The following RNF6 variants were observed in gnomAD, a reference collection of about 807,000 sequenced individuals.
RNF6 encodes ring finger protein 6.
In RNF6, 21 loss-of-function variants were observed where a neutral mutation model predicts 50.1. The observed-to-expected ratio is 0.42, with a 90% confidence interval of 0.30 to 0.60. The LOEUF (loss-of-function observed/expected upper bound fraction) is 0.60. Ranked by LOEUF, RNF6 falls within the 20% of genes least tolerant of loss-of-function variation. The pLI is 0.20. For synonymous variants in RNF6, 255 were observed against 291.8 expected, an observed-to-expected ratio of 0.87 and a Z score of 1.29; for missense variants, 698 against 838.2, an observed-to-expected ratio of 0.83 and a Z score of 2.07.
chr13:26,191,762 T>C (rs1409474495), intron 5 of RNF6, among the ~76,000 whole-genome samples: 1 of 152,204 alleles, frequency 6.6e-6, no homozygotes, highest in Admixed American at 6.5e-5. Flanking sequence ...CAGGTAGTTA[T>C]TTATAGAAGT....
chr13:26,175,084 C>T lies in RNF6; in HGVS notation n.768+40390G>A, dbSNP rs1436707478. Among the ~76,000 whole-genome samples the T allele has an allele frequency of 2.0e-5, 3 of 152,072 alleles. No homozygotes were observed. The South Asian group carries it at 6.2e-4, about 32-fold the overall frequency. On this transcript the variant is annotated intron_variant and non_coding_transcript_variant, in intron 5 of 5. Transcript: ENST00000468480. ...AGATGCTCCCCATTGGCGTCCGGTG[C>T]CTTTTTATTTTCTTGAGACAGAGTC...
chr13:26,211,600 T>C (rs562577890), downstream of RNF6, among the ~76,000 whole-genome samples: 1 of 152,098 alleles, frequency 6.6e-6, no homozygotes, highest in South Asian at 2.1e-4. Flanking sequence ...CTACTAAAAA[T>C]ACAGAAAATT....
At chr13:26,150,581 T>C (rs954475748) in intron 5 of RNF6, among the ~76,000 whole-genome samples, 1 of 152,178 alleles carries the variant, frequency 6.6e-6, no homozygotes, top group Non-Finnish European at 1.5e-5. Flanking sequence ...GATACTATCA[T>C]AGTTCTTATG....
intron 5 of RNF6, among the ~76,000 whole-genome samples, chr13:26,134,480 G>GT (rs148329187): frequency 0.04 from 6,070 of 150,502 alleles, 133 homozygotes; most frequent in Non-Finnish European, 0.052. Context: ...TTTGTTTTTT[G>GT]TTTTTTTTTG....
Position 26,213,840 on chromosome 13 carries a change from A to C in RNF6, c.2042T>G (p.Ile681Arg). Residue 681 changes from isoleucine to arginine, a missense_variant, in exon 5 of 5, where the codon ATA becomes AGA. Transcript: ENST00000381588. ...ICRQPVLGSN[I>R]ANNG ...CCCATCACCTTACCCATTGTTTGCT[A>C]TGTTAGACCCTAAAACAGGCTGCCG... 6.2e-7 allele frequency: 1 copy of C among 1,610,444 alleles called. No individual in the cohort carries two copies.
chr13:26,185,738 C>A (rs1220937688), intron 5 of RNF6, among the ~76,000 whole-genome samples: 3 of 152,132 alleles, frequency 2.0e-5, no homozygotes, highest in Non-Finnish European at 4.4e-5. Flanking sequence ...ACGAGCGAAA[C>A]CCTGTCTCAA....
chr13:26,220,631 TAG>T (rs1450739985), intron 2 of RNF6, among the ~76,000 whole-genome samples: 10 of 152,208 alleles, frequency 6.6e-5, no homozygotes, highest in Admixed American at 1.3e-4. Context: ...AATCCTTGAT[TAG>T]AGTTTTCCAG....
chr13:26,165,939 G>A (rs1217398497), intron 5 of RNF6, among the ~76,000 whole-genome samples: 2 of 152,174 alleles, frequency 1.3e-5, no homozygotes, highest in Non-Finnish European at 2.9e-5. Flanking sequence ...CTGTTGGGAA[G>A]GCATGATTGG....
intron 5 of RNF6, among the ~76,000 whole-genome samples, chr13:26,187,790 C>T (rs1337750077): frequency 6.6e-6 from 1 of 152,176 alleles, no homozygotes; most frequent in Non-Finnish European, 1.5e-5. Flanking sequence ...GTGGTGCAAT[C>T]TTAGCTCACT....
intron 5 of RNF6, among the ~76,000 whole-genome samples, chr13:26,181,079 A>T (rs893174218): frequency 1.3e-5 from 2 of 152,088 alleles, no homozygotes; most frequent in African/African-American, 2.4e-5. Flanking sequence ...ACCTTCCTCC[A>T]TCAGCCTTCC....
intron 5 of RNF6, among the ~76,000 whole-genome samples, chr13:26,156,709 C>G (rs1871941968): frequency 4.6e-5 from 7 of 152,086 alleles, no homozygotes; most frequent in Admixed American, 4.6e-4. Flanking sequence ...GAAATAAAAA[C>G]AAAAATAAAA....
intron 5 of RNF6, among the ~76,000 whole-genome samples, chr13:26,152,017 C>T (rs1871633683): frequency 6.6e-6 from 1 of 152,098 alleles, no homozygotes; most frequent in Non-Finnish European, 1.5e-5. Flanking sequence ...AGGATGAAGT[C>T]CAACCTTCTG....
chr13:26,198,068 T>C (rs1333267437), intron 5 of RNF6, among the ~76,000 whole-genome samples: 13 of 151,476 alleles, frequency 8.6e-5, no homozygotes, highest in Non-Finnish European at 7.4e-5. Flanking sequence ...CATACATACA[T>C]ATGTATATAT....
At chr13:26,200,454 G>C (rs1037981594) in intron 5 of RNF6, among the ~76,000 whole-genome samples, 1 of 147,548 alleles carries the variant, frequency 6.8e-6, no homozygotes, top group Non-Finnish European at 1.5e-5. Context: ...TTGTTGTCCA[G>C]TCTGGAGTGC....
chr13:26,174,988 T>C (rs1014772452), intron 5 of RNF6, among the ~76,000 whole-genome samples: 2 of 152,162 alleles, frequency 1.3e-5, no homozygotes, highest in Admixed American at 1.3e-4. Flanking sequence ...TGGTTCACTG[T>C]ATGAATTTGG....
chr13:26,205,133 G>A (rs759910832), intron 5 of RNF6, among the ~76,000 whole-genome samples: 4 of 152,036 alleles, frequency 2.6e-5, no homozygotes, highest in Non-Finnish European at 5.9e-5. Flanking sequence ...GGTTAGAAGA[G>A]GTATTTCTCT....
At chr13:26,161,056 T>A (rs533734145) in intron 5 of RNF6, among the ~76,000 whole-genome samples, 1 of 152,316 alleles carries the variant, frequency 6.6e-6, no homozygotes, top group South Asian at 2.1e-4. Flanking sequence ...GGAACAAAAA[T>A]TCAGATGGCC....
chr13:26,145,839 G>A (rs1462696425), intron 5 of RNF6, among the ~76,000 whole-genome samples: 1 of 152,084 alleles, frequency 6.6e-6, no homozygotes, highest in African/African-American at 2.4e-5. Flanking sequence ...CTTCCACTTG[G>A]CCTTTCCCAC....
chr13:26,186,658 G>A (rs1289069245), intron 5 of RNF6, among the ~76,000 whole-genome samples: 4 of 152,284 alleles, frequency 2.6e-5, no homozygotes, highest in Non-Finnish European at 4.4e-5. Flanking sequence ...GCCCGCAGCG[G>A]CGCTATACCT....
Sources: allele counts gnomAD v4.1 joint callset (sites outside exome capture counted in the v4.1 genomes callset), GRCh38; gene constraint gnomAD v4.1.1; transcripts MANE v1.5; gene names NCBI Gene and HGNC (gene_info 2026-07-23, HGNC 2026-07-21).